The following CACNA1S variants were observed in gnomAD, a reference collection of about 807,000 sequenced individuals.
CACNA1S encodes the protein calcium voltage-gated channel subunit alpha1 S.
Under a neutral mutation model 207.4 loss-of-function variants are expected in CACNA1S, and 126 were observed. The ratio of observed to expected loss-of-function variants is 0.61; its 90% CI spans 0.53 to 0.70. CACNA1S has a LOEUF of 0.70. Ranked by LOEUF, CACNA1S falls within the 30% of genes least tolerant of loss-of-function variation. The pLI, the probability that CACNA1S is intolerant of heterozygous loss-of-function variation, is 0.00. For missense variants in CACNA1S, 2,349 were observed against 2,422.8 expected, an observed-to-expected ratio of 0.97 and a Z score of 0.64; for synonymous variants, 960 against 932.7, an observed-to-expected ratio of 1.03 and a Z score of -0.53.
In CACNA1S at chr1:201,044,428, GCCTCTT is replaced by G. The variant is rs1169280155; in HGVS notation, c.4691_4696del (p.Glu1564_Glu1565del). On this transcript the variant is annotated inframe_deletion, in exon 39 of 44. Transcript: ENST00000362061. ...GACCGTGCGACAGATCTCGGGGGCTGCCTCTTCCTCAATGGTCCGCAGCCCTGCCTG... is the reference window on the plus strand; with the variant it reads ...GACCGTGCGACAGATCTCGGGGGCTGCCTCAATGGTCCGCAGCCCTGCCTG... 1 of 1,613,230 alleles carries G rather than the reference GCCTCTT, an allele frequency of 6.2e-7. No homozygotes were observed. The highest frequency in any genetic ancestry group is 2.2e-5 in the East Asian group (1 of 44,854).
intron 15 of CACNA1S, 84 bp downstream of exon 15, chr1:201,073,465 C>G (rs1230954733): frequency 5.7e-5 from 65 of 1,130,960 alleles, no homozygotes; most frequent in Middle Eastern, 2.0e-4. Flanking sequence ...CCACCCTACC[C>G]CACCTGTACC....
rs2297902 is a variant in CACNA1S, at chr1:201,065,943, G to A, written c.2748C>T (p.His916=). ...TGGCCACGAACATGCACTGCACCAC[G>A]TGCTGGGGACAGAGGGGCCAATGGG... ...RAINRAKGLK[H]VVQCMFVAIS... is the part of the protein sequence containing the mutation. The change falls in exon 22 of 44, where the codon CAC becomes CAT. Residue 916 remains histidine, a splice_region_variant and synonymous_variant. Coordinates refer to ENST00000362061, the MANE Select transcript of CACNA1S (RefSeq NM_000069.3). The A allele has an allele frequency of 0.02, 32,053 of 1,608,184 alleles. 1,214 individuals are homozygous for A. Among genetic ancestry groups the A allele is most frequent in the East Asian group, 0.19 (8,710 of 44,750 alleles).
chr1:201,088,089 C>G (rs1285376364), intron 6 of CACNA1S, among the ~76,000 whole-genome samples, 160 bp from the exon 7 acceptor site: 7 of 152,156 alleles, frequency 4.6e-5, no homozygotes, highest in African/African-American at 1.7e-4. Flanking sequence ...TCTGGAAGAA[C>G]TTTTCCAGCC....
chr1:201,077,165 C>A, intron 11 of CACNA1S, 38 bp from the exon 12 acceptor site: 1 of 1,559,076 alleles, frequency 6.4e-7, no homozygotes, highest in Non-Finnish European at 8.8e-7. Flanking sequence ...AGGAGACAGA[C>A]CCTCTCACTG....
chr1:201,066,112 T>C lies in CACNA1S; in HGVS notation c.2745+117A>G. On this transcript the variant is annotated intron_variant, in intron 21 of 43. Coordinates refer to ENST00000362061, the MANE Select transcript of CACNA1S (RefSeq NM_000069.3). This position sits in a 1 kb window ranked among gnomAD's most constrained non-coding sequence, Gnocchi z 4.3. ...CCCCAGCCTCATCCTTACCCCTATC[T>C]GCCCAGGGAGATGGGACAGGGGTCC... The C allele has an allele frequency of 9.4e-7, 1 of 1,065,754 alleles. No individual in the cohort carries two copies. The highest frequency in any genetic ancestry group is 1.4e-6 in the Non-Finnish European group (1 of 694,208). The allele number at this position is 1,065,754 out of a possible 1,614,324, so 66.0% of individuals were successfully genotyped here.
At chr1:201,084,796 G>A (rs1661969505) in intron 9 of CACNA1S, among the ~76,000 whole-genome samples, 154 bp downstream of exon 9, 2 of 152,182 alleles carry the variant, frequency 1.3e-5, no homozygotes, top group Admixed American at 6.5e-5. Context: ...GAGTCCCTCA[G>A]AGCAGGAACT....
chr1:201,105,553 C>T (rs1007389277), intron 2 of CACNA1S, among the ~76,000 whole-genome samples: 1 of 152,166 alleles, frequency 6.6e-6, no homozygotes, highest in Non-Finnish European at 1.5e-5. Context: ...GGGCTGATTT[C>T]AGAGGCCCGT....
intron 2 of CACNA1S, 142 bp from the exon 3 acceptor site, chr1:201,094,163 AC>A (rs201338755): frequency 1.4e-5 from 12 of 863,568 alleles, no homozygotes; most frequent in East Asian, 2.6e-5. Context: ...TGGAATGCCT[AC>A]CCCCCCACTC....
intron 42 of CACNA1S, 122 bp from the exon 43 acceptor site, chr1:201,040,496 T>A (rs1217861223): frequency 1.4e-6 from 2 of 1,407,952 alleles, no homozygotes; most frequent in Middle Eastern, 1.8e-4. Context: ...GATGGAGGGA[T>A]CCCGTCCCTT....
intron 2 of CACNA1S, among the ~76,000 whole-genome samples, chr1:201,101,709 G>T (rs1211573120): frequency 6.6e-6 from 1 of 152,230 alleles, no homozygotes; most frequent in East Asian, 1.9e-4. Flanking sequence ...GATGAACAGG[G>T]GGATCTGGGC....
rs1558091758 is a variant in CACNA1S, at chr1:201,111,972, C to CCCCCACCCTCCTCCTCTTCCTCCTCCTG, written c.152+215_152+216insCAGGAGGAGGAAGAGGAGGAGGGTGGGG. Among the ~76,000 whole-genome samples the CCCCCACCCTCCTCCTCTTCCTCCTCCTG allele has an allele frequency of 4.2e-5, 6 of 144,384 alleles. No individual in the cohort carries two copies. In the East Asian group the frequency reaches 1.4e-3, roughly 34 times the overall value. The allele number at this position is 144,384 out of a possible 152,430, so 94.7% of individuals were successfully genotyped here. ...CCACCCTCCTCCTCTTCCTCCTCCT[C>CCCCCACCCTCCTCCTCTTCCTCCTCCTG]CCCCACCCTCCTCGTCTTCCTCCTC... On this transcript the variant is annotated intron_variant, in intron 1 of 43. Coordinates refer to ENST00000362061, the MANE Select transcript of CACNA1S (RefSeq NM_000069.3).
At chr1:201,046,152 ATATT>A (rs200701982) in intron 38 of CACNA1S, among the ~76,000 whole-genome samples, 12 of 124,010 alleles carry the variant, frequency 9.7e-5, no homozygotes, top group Admixed American at 5.1e-4. Flanking sequence ...CCAATGGGAC[ATATT>A]TATTTATTTA....
chr1:201,061,835 C>T (rs922265996), intron 24 of CACNA1S, 109 bp downstream of exon 24: 27 of 1,280,084 alleles, frequency 2.1e-5, no homozygotes, highest in East Asian at 1.4e-4. Flanking sequence ...GTTTGTTGGA[C>T]GCCTGCCACA....
rs370439425 is a variant in CACNA1S at position 201,061,308 on chromosome 1, C to T, written c.3214G>A (p.Gly1072Arg). ...TCACAGTTCTTGTACTCAGTCTCTC[C>T]CTGCTCCTGGAAGGTGACAATGACG... ...GFVIVTFQEQ[G>R]ETEYKNCELD... The change falls in exon 25 of 44, where the codon GGA becomes AGA. Residue 1072 changes from glycine (G) to arginine (R), a missense_variant. Gly to Arg is a moderately radical substitution (Grantham distance 125). Coordinates refer to ENST00000362061, the MANE Select transcript of CACNA1S (RefSeq NM_000069.3). 2.0e-5 allele frequency: 33 copies of T among 1,614,082 alleles called. No homozygotes were observed. The highest frequency in any genetic ancestry group is 2.8e-5 in the Non-Finnish European group (33 of 1,180,044).
chr1:201,101,604 A>G (rs1327530327), intron 2 of CACNA1S, among the ~76,000 whole-genome samples: 1 of 152,212 alleles, frequency 6.6e-6, no homozygotes, highest in Non-Finnish European at 1.5e-5. Context: ...AGAGGGTGAG[A>G]GAGACTCGCA....
At chr1:201,111,266 C>T (rs112912299) in intron 1 of CACNA1S, among the ~76,000 whole-genome samples, 2,303 of 152,190 alleles carry the variant, frequency 0.015, 68 homozygotes, top group African/African-American at 0.053. Context: ...CCAGTTATCC[C>T]TCATTCTCCT....
chr1:201,110,409 C>T, intron 1 of CACNA1S, 140 bp from the exon 2 acceptor site: 2 of 755,396 alleles, frequency 2.6e-6, no homozygotes, highest in South Asian at 1.5e-5. Flanking sequence ...GCCCACGCTG[C>T]TCCTTCCCTG....
At chr1:201,063,494 G>A (rs1661141349) in intron 22 of CACNA1S, among the ~76,000 whole-genome samples, 2 of 152,052 alleles carry the variant, frequency 1.3e-5, no homozygotes, top group South Asian at 4.2e-4. Context: ...TCACCATGTT[G>A]GTCAGGCTGG....
rs1242702199 is a variant in CACNA1S, at chr1:201,050,405, A to T, written c.4225T>A (p.Tyr1409Asn). 6.2e-7 allele frequency: 1 copy of T among 1,613,960 alleles called. No individual in the cohort carries two copies. Among genetic ancestry groups the T allele is most frequent in the South Asian group, 1.1e-5 (1 of 91,064 alleles). The change falls in exon 34 of 44, where the codon TAT becomes AAT. Residue 1409 changes from tyrosine (Y) to asparagine (N), a missense_variant. By Grantham distance (143) the Tyr-to-Asn change is moderately radical (BLOSUM62 -2). Coordinates refer to ENST00000362061, the MANE Select transcript of CACNA1S (RefSeq NM_000069.3). ...TGGACTCACTTAGCCTCTGGGTCAT[A>T]CTCTGCCCAGATGGCCTTGAACTCA... ...LDEFKAIWAE[Y>N]DPEAKGRIKH...
Sources: gnomAD v4.1 joint callset for allele counts (sites outside exome capture counted in the v4.1 genomes callset) on GRCh38, gnomAD v4.1.1 for gene constraint, Gnocchi (gnomAD v3.1) non-coding constraint, MANE v1.5 for transcripts, NCBI Gene and HGNC (gene_info 2026-07-23, HGNC 2026-07-21) for gene names.